Variants in UNC13B observed in about 807,000 individuals in gnomAD.
UNC13B encodes the protein protein unc-13 homolog B.
In UNC13B, 144 loss-of-function variants were observed where a neutral mutation model predicts 211.0. The ratio of observed to expected loss-of-function variants is 0.68; its 90% CI spans 0.60 to 0.78. The LOEUF (loss-of-function observed/expected upper bound fraction) is 0.78, where lower values mean the gene tolerates loss of function less well. UNC13B is among the 30% of genes least tolerant of loss of function. The pLI is 0.00. For missense variants in UNC13B, 1,777 were observed against 2,002.0 expected (o/e 0.89, Z 2.14); for synonymous variants, 709 against 725.8 (o/e 0.98, Z 0.37).
At chr9:35,193,631 C>T (rs1281744125) in intron 1 of UNC13B, among the ~76,000 whole-genome samples, 1 of 140,350 alleles carries the variant, frequency 7.1e-6, no homozygotes, top group African/African-American at 2.7e-5. Context: ...GCACTCCAGC[C>T]TGGGTGACAG....
chr9:35,351,801 A>G, intron 11 of UNC13B: 1 of 1,232,234 alleles, frequency 8.1e-7, no homozygotes, highest in Non-Finnish European at 1.0e-6. Flanking sequence ...TCCACTGCCT[A>G]TGTTTCAGGG....
intron 11 of UNC13B, among the ~76,000 whole-genome samples, chr9:35,320,746 C>A (rs1464092935): frequency 1.3e-5 from 2 of 152,114 alleles, no homozygotes; most frequent in Admixed American, 6.6e-5. Context: ...TTGTTTACTG[C>A]TATGTCTTAC....
intron 1 of UNC13B, among the ~76,000 whole-genome samples, chr9:35,188,954 T>G (rs2131334048): frequency 6.6e-6 from 1 of 152,350 alleles, no homozygotes; most frequent in Non-Finnish European, 1.5e-5. Flanking sequence ...TTAGCATCTT[T>G]AGACAACCTT....
chr9:35,175,134 G>A (rs1163237520), intron 1 of UNC13B, among the ~76,000 whole-genome samples: 8 of 152,368 alleles, frequency 5.3e-5, no homozygotes, highest in Admixed American at 3.9e-4. Context: ...TACAAAGAGA[G>A]GGAGGAAAGT....
At chr9:35,187,526 T>TA (rs1034896095) in intron 1 of UNC13B, among the ~76,000 whole-genome samples, 2 of 152,222 alleles carry the variant, frequency 1.3e-5, no homozygotes, top group African/African-American at 4.8e-5. Flanking sequence ...TTATTTTAGG[T>TA]AAAAACAAAT....
intron 11 of UNC13B, among the ~76,000 whole-genome samples, chr9:35,319,219 T>C (rs1830610334): frequency 6.6e-6 from 1 of 151,750 alleles, no homozygotes. Context: ...CTGGCCAACA[T>C]GGTGAAACCC....
chr9:35,389,515 G>C (rs1005406409), intron 24 of UNC13B, among the ~76,000 whole-genome samples: 4 of 152,174 alleles, frequency 2.6e-5, no homozygotes, highest in Non-Finnish European at 5.9e-5. Context: ...ATTTAGTAAG[G>C]CTGGAGGGGC....
Position 35,369,348 on chromosome 9 carries a change from T to C in UNC13B, c.9462-970T>C, listed in dbSNP as rs75960033. 7.2e-5 allele frequency among the ~76,000 whole-genome samples: 11 copies of C among 152,092 alleles called. No individual in the cohort carries two copies. In the East Asian group the frequency reaches 2.1e-3, roughly 29 times the overall value. ...AGTTCTTTGCATTAAGGCCAGAGAG[T>C]TTTTTGTTGCTTATCCATCTCATTT... is the stretch of plus-strand genomic sequence containing the variant. On this transcript the variant is annotated intron_variant, in intron 12 of 39. Transcript: ENST00000635942.
intron 1 of UNC13B, among the ~76,000 whole-genome samples, chr9:35,222,661 T>C (rs1824627627): frequency 6.6e-6 from 1 of 152,216 alleles, no homozygotes; most frequent in Admixed American, 6.5e-5. Flanking sequence ...CAACCCAGGG[T>C]ATTTAGGATA....
Position 35,328,658 on chromosome 9 carries a change from TCCTTCCTC to T in UNC13B, c.9414+14673_9414+14680del, listed in dbSNP as rs1218868559. On this transcript the variant is annotated intron_variant, in intron 11 of 39. Coordinates refer to ENST00000635942, the MANE Select transcript of UNC13B (RefSeq NM_001371189.2). ...TTCCTTCCTTCCTTCCTTCCTTCCTTCCTTCCTCCCTCCCTTCCTTCCCTTCCCTTTCT... is the reference window on the plus strand; with the variant it reads ...TTCCTTCCTTCCTTCCTTCCTTCCTTCCTCCCTTCCTTCCCTTCCCTTTCT... Among the ~76,000 whole-genome samples, 228 of 94,006 alleles carry T rather than the reference TCCTTCCTC, an allele frequency of 2.4e-3. 8 individuals are homozygous for T. The highest frequency in any genetic ancestry group is 0.012 in the African/African-American group (216 of 18,382). The allele number at this position is 94,006 out of a possible 152,430, so 61.7% of individuals were successfully genotyped here. A position where few individuals can be genotyped will look rare whatever the true frequency, so the allele number is the denominator to read the frequency against.
At chr9:35,293,153 A>G (rs1001354361) in intron 7 of UNC13B, among the ~76,000 whole-genome samples, 2 of 152,008 alleles carry the variant, frequency 1.3e-5, no homozygotes, top group Admixed American at 6.6e-5. Flanking sequence ...CCTGCTTTTC[A>G]TATTCTCTTC....
At chr9:35,368,725 T>G (rs1001581888) in intron 12 of UNC13B, among the ~76,000 whole-genome samples, 1 of 152,058 alleles carries the variant, frequency 6.6e-6, no homozygotes, top group African/African-American at 2.4e-5. Context: ...GTATCTGTTT[T>G]TTTTTTTTTT....
Position 35,306,023 on chromosome 9 carries a change from G to T in UNC13B, c.6619G>T (p.Ala2207Ser). 2.5e-6 allele frequency: 1 copy of T among 398,996 alleles called. No individual in the cohort carries two copies. Among genetic ancestry groups the T allele is most frequent in the East Asian group, 3.6e-5 (1 of 28,072 alleles). The allele number at this position is 398,996 out of a possible 1,614,324, so 24.7% of individuals were successfully genotyped here. The change falls in exon 9 of 40, where the codon GCC becomes TCC. Residue 2207 changes from alanine to serine, a missense_variant. Transcript: ENST00000635942. Reference protein sequence around the residue: ...STASSSIKKDASHSSSTFSFF... With the variant: ...STASSSIKKDSSHSSSTFSFF... The stretch of plus-strand genomic sequence containing the variant: ...TGCTAGCTCAAGCATTAAGAAGGAT[G>T]CCTCTCATAGTAGTTCTACTTTTAG...
intron 5 of UNC13B, among the ~76,000 whole-genome samples, chr9:35,241,980 A>G (rs914100402): frequency 6.6e-6 from 1 of 152,182 alleles, no homozygotes; most frequent in Non-Finnish European, 1.5e-5. Flanking sequence ...TGCTTTATTC[A>G]TGTGGCTACT....
At position 35,381,706 on chromosome 9, in the gene UNC13B, T is replaced by A. The variant is rs756611040; in HGVS notation, c.10642T>A (p.Tyr3548Asn). 1.2e-6 allele frequency: 2 copies of A among 1,614,096 alleles called. No homozygotes were observed. Among genetic ancestry groups the A allele is most frequent in the East Asian group, 4.5e-5 (2 of 44,884 alleles). Reference sequence around the variant, plus strand: ...CATGCGTTATGGCATTGAGTCCATATATCAGGCCATGACGTGAGTCTCTGC... The same window carrying A: ...CATGCGTTATGGCATTGAGTCCATAAATCAGGCCATGACGTGAGTCTCTGC... ...FAMRYGIESIYQAMTHFACLS... is the reference protein window; with the variant it reads ...FAMRYGIESINQAMTHFACLS... The change falls in exon 20 of 40, where the codon TAT becomes AAT. Residue 3548 changes from tyrosine (Y) to asparagine (N), a missense_variant. Coordinates refer to ENST00000635942, the MANE Select transcript of UNC13B (RefSeq NM_001371189.2).
chr9:35,295,826 G>C lies in UNC13B; in HGVS notation c.657G>C (p.Pro219=). 1 of 1,614,056 alleles carries C rather than the reference G, an allele frequency of 6.2e-7. No homozygotes were observed. ...PNASVHQFPV[P]VRSPQQLLLQ... is the part of the protein sequence containing the mutation. ...CTTCTGTGCACCAGTTCCCTGTGCC[G>C]GTGCGATCGCCACAGCAGCTGCTAC... The change falls in exon 8 of 40, where the codon CCG becomes CCC. Residue 219 remains proline, a synonymous_variant. Transcript: ENST00000635942.
intron 7 of UNC13B, among the ~76,000 whole-genome samples, chr9:35,262,589 A>T (rs1278201498): frequency 6.6e-6 from 1 of 151,992 alleles, no homozygotes; most frequent in African/African-American, 2.4e-5. Context: ...AAGTGCTGGG[A>T]TTACAGACAT....
Position 35,376,260 on chromosome 9 carries a change from C to T in UNC13B, c.9835+13C>T, listed in dbSNP as rs376449861. The T allele has an allele frequency of 1.5e-5, 24 of 1,611,524 alleles. No homozygotes were observed. Among genetic ancestry groups the T allele is most frequent in the African/African-American group, 8.0e-5 (6 of 74,872 alleles). On this transcript the variant is annotated intron_variant, in intron 15 of 39. Coordinates refer to ENST00000635942, the MANE Select transcript of UNC13B (RefSeq NM_001371189.2). Reference sequence around the variant, plus strand: ...GACTGCCTGCAGCGTGAGTGCCCTGCGGGATGAGGGGCGGGGAGTGGGGCA... The same window carrying T: ...GACTGCCTGCAGCGTGAGTGCCCTGTGGGATGAGGGGCGGGGAGTGGGGCA...
chr9:35,218,339 ACT>A (rs1824372830), intron 1 of UNC13B, among the ~76,000 whole-genome samples: 2 of 151,858 alleles, frequency 1.3e-5, no homozygotes, highest in Admixed American at 1.3e-4. Context: ...ACTCTTCAAG[ACT>A]CTTATTTGGT....
Sources: allele counts gnomAD v4.1 joint callset (sites outside exome capture counted in the v4.1 genomes callset), GRCh38; gene constraint gnomAD v4.1.1; transcripts MANE v1.5; gene names NCBI Gene and HGNC (gene_info 2026-07-23, HGNC 2026-07-21).